ZNF292: variants seen among roughly 807,000 people sequenced by gnomAD.
ZNF292 encodes the protein zinc finger protein 292.
Under a neutral mutation model 217.9 loss-of-function variants are expected in ZNF292, and 26 were observed. The observed-to-expected ratio is 0.12, with a 90% CI of 0.09 to 0.17. The LOEUF is 0.17. Ranked by LOEUF, ZNF292 falls within the 10% of genes least tolerant of loss-of-function variation. The pLI is 1.00. For synonymous variants in ZNF292, 1,257 were observed against 1,124.1 expected, an observed-to-expected ratio of 1.12 and a Z score of -2.37; for missense variants, 2,904 against 3,175.2, an observed-to-expected ratio of 0.91 and a Z score of 2.05.
chr6:87,201,085 A>T lies in ZNF292; in HGVS notation c.169-14818A>T, dbSNP rs1315750598. On this transcript the variant is annotated intron_variant, in intron 1 of 7. Coordinates refer to ENST00000369577, the MANE Select transcript of ZNF292 (RefSeq NM_015021.3). Reference sequence around the variant, plus strand: ...GGGAGAGAGATGATATAAAGGCAACATACTCAGAAGTAAAAATGGTGGTGG... The same window carrying T: ...GGGAGAGAGATGATATAAAGGCAACTTACTCAGAAGTAAAAATGGTGGTGG... Among the ~76,000 whole-genome samples the T allele has an allele frequency of 2.0e-5, 3 of 152,324 alleles. 1 individual carries two copies. In the South Asian group the frequency reaches 6.2e-4, roughly 32 times the overall value.
At chr6:87,192,039 G>T (rs1442536798) in intron 1 of ZNF292, among the ~76,000 whole-genome samples, 1 of 152,198 alleles carries the variant, frequency 6.6e-6, no homozygotes, top group Non-Finnish European at 1.5e-5. Context: ...TGATGGGGAA[G>T]CCTTTCTAAG....
intron 1 of ZNF292, among the ~76,000 whole-genome samples, chr6:87,181,351 T>C (rs1771468274): frequency 6.6e-6 from 1 of 152,118 alleles, no homozygotes; most frequent in African/African-American, 2.4e-5. Context: ...TCAGCCAAAC[T>C]CCTCTCAATA....
intron 5 of ZNF292, chr6:87,233,763 A>G: frequency 3.4e-6 from 2 of 595,596 alleles, no homozygotes; most frequent in Non-Finnish European, 4.2e-6. Flanking sequence ...TGCTTTGGCT[A>G]AATTGTGGGA....
chr6:87,176,156 G>GATTAAGCAGTTTAACTA (rs1771284348), intron 1 of ZNF292, among the ~76,000 whole-genome samples: 1 of 152,190 alleles, frequency 6.6e-6, no homozygotes, highest in Non-Finnish European at 1.5e-5. Context: ...ACCTTTAACA[G>GATTAAGCAGTTTAACTA]ACTACAGATT....
intron 1 of ZNF292, among the ~76,000 whole-genome samples, chr6:87,177,582 A>G (rs1771343183): frequency 6.6e-6 from 1 of 152,122 alleles, no homozygotes; most frequent in African/African-American, 2.4e-5. Flanking sequence ...TACTGTCACT[A>G]AGATTATTAG....
At chr6:87,236,379 C>A (rs1471210805) in intron 5 of ZNF292, among the ~76,000 whole-genome samples, 1 of 148,360 alleles carries the variant, frequency 6.7e-6, no homozygotes, top group Non-Finnish European at 1.5e-5. Flanking sequence ...TAGTTGATAC[C>A]CCATAGGTTG....
Position 87,165,266 on chromosome 6 carries a change from G to A in ZNF292, c.168+9507G>A, listed in dbSNP as rs528299092. On this transcript the variant is annotated intron_variant, in intron 1 of 7. Coordinates refer to ENST00000369577, the MANE Select transcript of ZNF292 (RefSeq NM_015021.3). ...CTTTCTCAGTGGCAGTCTACCTCTTGTAACAGTGTTTCTCAGATTTCAGTT... is the reference window on the plus strand; with the variant it reads ...CTTTCTCAGTGGCAGTCTACCTCTTATAACAGTGTTTCTCAGATTTCAGTT... 4.6e-5 allele frequency among the ~76,000 whole-genome samples: 7 copies of A among 152,200 alleles called. No individual in the cohort carries two copies. In the East Asian group the frequency reaches 1.3e-3, roughly 29 times the overall value.
At position 87,263,608 on chromosome 6, in the gene ZNF292, A is replaced by G. The variant is rs1775715261; in HGVS notation, c.*1807A>G. ...TTAAGACTTACTACCAATAAGCATA[A>G]AACCTGACACGTTAAAATCCCTGCC... On this transcript the variant is annotated 3_prime_UTR_variant, in exon 8 of 8. Coordinates refer to ENST00000369577, the MANE Select transcript of ZNF292 (RefSeq NM_015021.3). 1 of 152,066 alleles carries G rather than the reference A, an allele frequency of 6.6e-6. No individual in the cohort carries two copies. Among genetic ancestry groups the G allele is most frequent in the African/African-American group, 2.4e-5 (1 of 41,434 alleles). 9.4% of individuals were successfully genotyped at this position (152,066 alleles called of 1,614,324 possible).
intron 4 of ZNF292, among the ~76,000 whole-genome samples, chr6:87,231,903 T>A (rs1773676943): frequency 1.3e-5 from 2 of 152,178 alleles, no homozygotes; most frequent in African/African-American, 4.8e-5. Context: ...ATAACTTTAT[T>A]ATAACTTTGT....
chr6:87,189,232 TA>T (rs1771754015), intron 1 of ZNF292, among the ~76,000 whole-genome samples: 2 of 151,880 alleles, frequency 1.3e-5, no homozygotes, highest in Admixed American at 1.3e-4. Flanking sequence ...AATAAATAAA[TA>T]AAATAAAAAA....
intron 1 of ZNF292, among the ~76,000 whole-genome samples, chr6:87,158,390 T>C (rs552005669): frequency 4.5e-4 from 69 of 152,320 alleles, no homozygotes; most frequent in Non-Finnish European, 8.5e-4. Context: ...TATGTTTATT[T>C]ACAGGGGTGG....
intron 1 of ZNF292, among the ~76,000 whole-genome samples, chr6:87,156,754 A>C (rs952574547): frequency 1.3e-5 from 2 of 152,238 alleles, no homozygotes; most frequent in Admixed American, 6.5e-5. Context: ...TGTTAATAAC[A>C]CTGTTTGCTA....
rs551715200 is a variant in ZNF292 at position 87,173,257 on chromosome 6, T to C, written c.168+17498T>C. ...AAGTGTTCCCTGTTTTGTAAACTGC[T>C]GATGTACACTAGCATTCCATATCAT... On this transcript the variant is annotated intron_variant, in intron 1 of 7. Transcript: ENST00000369577. 1.3e-4 allele frequency: 20 copies of C among 152,296 alleles called. No individual in the cohort carries two copies. The South Asian group carries it at 3.7e-3, about 28-fold the overall frequency. The allele number at this position is 152,296 out of a possible 1,614,324, so 9.4% of individuals were successfully genotyped here.
intron 5 of ZNF292, among the ~76,000 whole-genome samples, chr6:87,242,977 A>G (rs1289211034): frequency 6.6e-6 from 1 of 152,146 alleles, no homozygotes; most frequent in Non-Finnish European, 1.5e-5. Context: ...AGTTACATAA[A>G]ATGCTTCATA....
At chr6:87,200,731 G>A (rs1386494924) in intron 1 of ZNF292, among the ~76,000 whole-genome samples, 2 of 152,174 alleles carry the variant, frequency 1.3e-5, no homozygotes, top group African/African-American at 4.8e-5. Context: ...GGAGCCAGAA[G>A]TTTTAGAATT....
chr6:87,168,824 A>G (rs1770998094), intron 1 of ZNF292, among the ~76,000 whole-genome samples: 2 of 152,060 alleles, frequency 1.3e-5, no homozygotes, highest in African/African-American at 4.8e-5. Context: ...TAGTATGATC[A>G]TCCCTCGGTA....
intron 1 of ZNF292, among the ~76,000 whole-genome samples, chr6:87,189,735 C>T (rs945307481): frequency 1.3e-5 from 2 of 151,684 alleles, no homozygotes; most frequent in Admixed American, 1.3e-4. Context: ...GTTAACTTAC[C>T]TGGCTGGTTT....
intron 4 of ZNF292, among the ~76,000 whole-genome samples, chr6:87,232,250 C>G (rs1425652783): frequency 6.6e-6 from 1 of 152,028 alleles, no homozygotes; most frequent in Non-Finnish European, 1.5e-5. Context: ...AGAATCTTTT[C>G]TATAGTGGAG....
At chr6:87,213,220 C>T (rs908797133) in intron 1 of ZNF292, among the ~76,000 whole-genome samples, 1 of 152,204 alleles carries the variant, frequency 6.6e-6, no homozygotes, top group African/African-American at 2.4e-5. Context: ...AGACTTCCGT[C>T]TTCCTGCCCT....
Sources: allele counts gnomAD v4.1 joint callset (sites outside exome capture counted in the v4.1 genomes callset), GRCh38; gene constraint gnomAD v4.1.1; transcripts MANE v1.5; gene names NCBI Gene and HGNC (gene_info 2026-07-23, HGNC 2026-07-21).